Variants in PCDHA1 observed in about 807,000 individuals in gnomAD.
The protein encoded by PCDHA1 is protocadherin alpha-1.
Under a neutral mutation model 61.3 loss-of-function variants are expected in PCDHA1, and 42 were observed. The ratio of observed to expected loss-of-function variants is 0.69; its 90% confidence interval spans 0.54 to 0.89. The LOEUF (loss-of-function observed/expected upper bound fraction) is 0.89. Among genes scored for constraint, PCDHA1 ranks in the 40% least tolerant of loss-of-function variants. PCDHA1 has a pLI of 0.00. For missense variants in PCDHA1, 1,256 were observed against 1,235.3 expected (o/e 1.02, Z -0.25); for synonymous variants, 610 against 553.8 (o/e 1.10, Z -1.43).
intron 1 of PCDHA1, chr5:140,847,447 T>C (rs1013186891): frequency 6.7e-6 from 1 of 149,786 alleles, no homozygotes; most frequent in Non-Finnish European, 1.5e-5. Context: ...CACTAAAATC[T>C]AGATTTAATT....
At chr5:140,840,420 G>T (rs1446278635) in intron 1 of PCDHA1, among the ~76,000 whole-genome samples, 1 of 151,882 alleles carries the variant, frequency 6.6e-6, no homozygotes, top group Non-Finnish European at 1.5e-5. Context: ...CAAATAATAG[G>T]CTAGTTTAAA....
At position 140,870,457 on chromosome 5, in the gene PCDHA1, C is replaced by T. The variant is rs2052038650; in HGVS notation, c.2394+81773C>T. 3.1e-6 allele frequency: 5 copies of T among 1,614,110 alleles called. No individual in the cohort carries two copies. Among genetic ancestry groups the T allele is most frequent in the African/African-American group, 1.3e-5 (1 of 74,948 alleles). ...GGTGGCCGACGTGAACGACAATGCG[C>T]CTGCGTTCGCACAGCCCGAGTACAC... On this transcript the variant is annotated intron_variant, in intron 1 of 3. Coordinates refer to ENST00000504120, the MANE Select transcript of PCDHA1 (RefSeq NM_018900.4).
chr5:140,990,280 G>C (rs1224210562), intron 3 of PCDHA1, among the ~76,000 whole-genome samples: 1 of 152,264 alleles, frequency 6.6e-6, no homozygotes, highest in African/African-American at 2.4e-5. Context: ...CCCGGGTCTT[G>C]AGATTATCGA....
intron 1 of PCDHA1, chr5:140,850,770 T>A: frequency 6.3e-7 from 1 of 1,598,038 alleles, no homozygotes; most frequent in Non-Finnish European, 8.6e-7. Context: ...GCAGAGGGTG[T>A]GCTCTGGCGA....
intron 2 of PCDHA1, among the ~76,000 whole-genome samples, chr5:140,980,561 C>T (rs1430874214): frequency 6.6e-6 from 1 of 151,974 alleles, no homozygotes; most frequent in Admixed American, 6.6e-5. Context: ...ACCCGGGAGG[C>T]GGAAGTTGCA....
chr5:141,003,273 G>A (rs782391603), intron 3 of PCDHA1, among the ~76,000 whole-genome samples: 5 of 152,214 alleles, frequency 3.3e-5, no homozygotes, highest in Admixed American at 6.5e-5. Context: ...TAAGGGAAGT[G>A]CCCAAATTGG....
chr5:140,874,465 T>C (rs1554167224), intron 1 of PCDHA1, among the ~76,000 whole-genome samples: 1 of 152,184 alleles, frequency 6.6e-6, no homozygotes. Flanking sequence ...TAGGGGAAGA[T>C]TTAGAGAAAA....
At chr5:140,975,154 G>C (rs73268051) in intron 1 of PCDHA1, among the ~76,000 whole-genome samples, 1,571 of 152,266 alleles carry the variant, frequency 0.01, 23 homozygotes, top group African/African-American at 0.036. Flanking sequence ...TCAGTTCCTA[G>C]AGAACTGAGG....
At chr5:140,997,816 T>C (rs1363819907) in intron 3 of PCDHA1, among the ~76,000 whole-genome samples, 1 of 152,232 alleles carries the variant, frequency 6.6e-6, no homozygotes, top group African/African-American at 2.4e-5. Flanking sequence ...TGTTGGTATC[T>C]ATGTTTTCTA....
chr5:140,809,691 T>C (rs1453613485), intron 1 of PCDHA1: 26 of 1,253,618 alleles, frequency 2.1e-5, no homozygotes, highest in Non-Finnish European at 2.6e-5. Flanking sequence ...TTTTTACATA[T>C]CCATTTTAAC....
intron 1 of PCDHA1, chr5:140,809,132 G>A: frequency 6.2e-7 from 1 of 1,614,020 alleles, no homozygotes; most frequent in East Asian, 2.2e-5. Flanking sequence ...CCGCCTACTG[G>A]TACTGGTGAA....
intron 1 of PCDHA1, among the ~76,000 whole-genome samples, chr5:140,873,370 T>A (rs2054256707): frequency 6.6e-6 from 1 of 152,166 alleles, no homozygotes; most frequent in Non-Finnish European, 1.5e-5. Flanking sequence ...TAACTGAAGA[T>A]CTTTTAAAGA....
At chr5:140,849,015 C>T (rs2040740928) in intron 1 of PCDHA1, 1 of 1,588,546 alleles carries the variant, frequency 6.3e-7, no homozygotes, top group Admixed American at 1.7e-5. Flanking sequence ...CAGACTGAGC[C>T]CCAATGAGTA....
At chr5:140,882,279 C>A (rs1456228410) in intron 1 of PCDHA1, 1 of 1,612,386 alleles carries the variant, frequency 6.2e-7, no homozygotes, top group Non-Finnish European at 8.5e-7. Context: ...ATGCTGTCTT[C>A]CTGGCAAGGA....
At chr5:140,958,344 T>A (rs1247122967) in intron 1 of PCDHA1, among the ~76,000 whole-genome samples, 2 of 152,128 alleles carry the variant, frequency 1.3e-5, no homozygotes, top group African/African-American at 4.8e-5. Context: ...CACAGGAAGT[T>A]CACAGTCTGA....
At chr5:140,824,627 T>G (rs2150136060) in intron 1 of PCDHA1, 3 of 134,070 alleles carry the variant, frequency 2.2e-5, no homozygotes, top group African/African-American at 9.6e-5. Flanking sequence ...TTTTTTTTTT[T>G]TTTTTATTTT....
rs2150250945 is a variant in PCDHA1 at position 140,836,022 on chromosome 5, A to G, written c.2394+47338A>G. 3.1e-6 allele frequency: 5 copies of G among 1,613,430 alleles called. No homozygotes were observed. In the South Asian group the frequency reaches 5.5e-5, roughly 18 times the overall value. On this transcript the variant is annotated intron_variant, in intron 1 of 3. Transcript: ENST00000504120. Reference sequence around the variant, plus strand: ...CGATGCGGGCGTGCCGCCTCTGGGCAGCAACGTGACGCTGCAGGTGTTCGT... The same window carrying G: ...CGATGCGGGCGTGCCGCCTCTGGGCGGCAACGTGACGCTGCAGGTGTTCGT...
At chr5:140,883,719 C>T in intron 1 of PCDHA1, 1 of 1,613,598 alleles carries the variant, frequency 6.2e-7, no homozygotes, top group Non-Finnish European at 8.5e-7. Context: ...GACGCGGACG[C>T]ACAGGAGAAC....
At chr5:140,856,401 T>C (rs782164641) in intron 1 of PCDHA1, 20 of 1,598,386 alleles carry the variant, frequency 1.3e-5, no homozygotes, top group Non-Finnish European at 4.3e-6. Context: ...GTTTTCCATG[T>C]GGACGTGGAA....
Sources: gnomAD v4.1 joint callset for allele counts (sites outside exome capture counted in the v4.1 genomes callset) on GRCh38, gnomAD v4.1.1 for gene constraint, MANE v1.5 for transcripts, NCBI Gene and HGNC (gene_info 2026-07-23, HGNC 2026-07-21) for gene names.